Variants in CHD6 observed in about 807,000 individuals in gnomAD.
CHD6 encodes chromodomain helicase DNA binding protein 6, also known as ATP-dependent chromatin remodeler CHD6.
CHD6 carries 50 observed loss-of-function variants against 276.9 expected under a neutral mutation model. That is an observed-to-expected ratio of 0.18 (90% CI 0.14 to 0.23). The LOEUF (loss-of-function observed/expected upper bound fraction) is 0.23. CHD6 is among the 10% of genes least tolerant of loss of function. The pLI is 1.00. For synonymous variants in CHD6, 1,173 were observed against 1,229.3 expected (o/e 0.95, Z 0.96); for missense variants, 2,564 against 3,365.8 (o/e 0.76, Z 5.89).
chr20:41,488,322 TA>T, intron 13 of CHD6, 105 bp downstream of exon 13: 2 of 1,077,548 alleles, frequency 1.9e-6, no homozygotes, highest in East Asian at 2.4e-5. Flanking sequence ...AAATCTAATG[TA>T]AAACGACTAG....
At chr20:41,590,019 T>C (rs1213493476) in intron 1 of CHD6, among the ~76,000 whole-genome samples, 2 of 151,966 alleles carry the variant, frequency 1.3e-5, no homozygotes, top group African/African-American at 2.4e-5. Flanking sequence ...AACAGAGATA[T>C]AGACCAATGG....
intron 1 of CHD6, among the ~76,000 whole-genome samples, chr20:41,591,927 G>A (rs995135741): frequency 2.5e-4 from 38 of 151,968 alleles, no homozygotes; most frequent in Non-Finnish European, 4.6e-4. Context: ...GTGAAACCCC[G>A]TCTCTACTAA....
chr20:41,573,705 T>TA (rs2045442800), intron 1 of CHD6, among the ~76,000 whole-genome samples: 1 of 152,154 alleles, frequency 6.6e-6, no homozygotes, highest in South Asian at 2.1e-4. Flanking sequence ...ACCTAAGCTT[T>TA]AAAAACCTAA....
At chr20:41,495,770 C>T (rs938984735) in intron 8 of CHD6, among the ~76,000 whole-genome samples, 3 of 152,172 alleles carry the variant, frequency 2.0e-5, no homozygotes, top group Admixed American at 1.3e-4. Context: ...AATTATACTC[C>T]AATAAAGCTT....
At chr20:41,485,425 G>A (rs1206294703) in intron 14 of CHD6, 7 of 152,142 alleles carry the variant, frequency 4.6e-5, no homozygotes, top group South Asian at 2.1e-4. Flanking sequence ...AAGAAATCAC[G>A]TTTCAAGTCA....
chr20:41,428,969 G>A (rs1334965784), intron 27 of CHD6, among the ~76,000 whole-genome samples: 2 of 152,172 alleles, frequency 1.3e-5, no homozygotes, highest in Non-Finnish European at 2.9e-5. Flanking sequence ...GAAGGTGCTT[G>A]TTCAGTTCCT....
chr20:41,566,711 C>A (rs2045359247), intron 1 of CHD6, among the ~76,000 whole-genome samples: 1 of 152,178 alleles, frequency 6.6e-6, no homozygotes, highest in Non-Finnish European at 1.5e-5. Context: ...CTCCCATAGA[C>A]CCTGGATGTT....
intron 19 of CHD6, among the ~76,000 whole-genome samples, chr20:41,454,937 A>G (rs941321168): frequency 2.0e-5 from 3 of 152,262 alleles, no homozygotes; most frequent in Non-Finnish European, 4.4e-5. Flanking sequence ...TGAGGAAATC[A>G]TAATTTCAAC....
chr20:41,427,606 C>T (rs962267211), intron 27 of CHD6, among the ~76,000 whole-genome samples: 1 of 152,120 alleles, frequency 6.6e-6, no homozygotes, highest in Non-Finnish European at 1.5e-5. Context: ...TAAAAAAGGA[C>T]AAGAGAGTCT....
chr20:41,564,402 CTGAG>C (rs1162605636), intron 1 of CHD6, among the ~76,000 whole-genome samples: 1 of 152,120 alleles, frequency 6.6e-6, no homozygotes, highest in Non-Finnish European at 1.5e-5. Context: ...ATGCATTATG[CTGAG>C]TGAAAGAGGA....
chr20:41,453,920 T>C (rs1404389538), intron 20 of CHD6, among the ~76,000 whole-genome samples: 1 of 152,196 alleles, frequency 6.6e-6, no homozygotes, highest in African/African-American at 2.4e-5. Context: ...GACTGTCTCC[T>C]GGCTTTGTGG....
chr20:41,418,429 C>T (rs899681859), intron 31 of CHD6, among the ~76,000 whole-genome samples: 1 of 151,612 alleles, frequency 6.6e-6, no homozygotes, highest in African/African-American at 2.4e-5. Context: ...TGCTGAGGAA[C>T]GAAGTGAGGG....
chr20:41,514,176 C>T (rs1248325889), intron 4 of CHD6, among the ~76,000 whole-genome samples: 1 of 152,224 alleles, frequency 6.6e-6, no homozygotes, highest in African/African-American at 2.4e-5. Context: ...GTACGTCAGT[C>T]TTATTCTAAA....
At chr20:41,435,742 T>C (rs1012757205) in intron 27 of CHD6, among the ~76,000 whole-genome samples, 1 of 152,188 alleles carries the variant, frequency 6.6e-6, no homozygotes, top group Admixed American at 6.5e-5. Flanking sequence ...AGCAACAGTT[T>C]CTGTGGATAA....
At chr20:41,455,432 T>C (rs1250608535) in intron 19 of CHD6, among the ~76,000 whole-genome samples, 2 of 152,136 alleles carry the variant, frequency 1.3e-5, no homozygotes, top group Admixed American at 1.3e-4. Context: ...GGGAATGGAG[T>C]GTTCACTGGA....
chr20:41,616,685 T>G (rs2045936986), intron 1 of CHD6, among the ~76,000 whole-genome samples: 1 of 152,244 alleles, frequency 6.6e-6, no homozygotes, highest in South Asian at 2.1e-4. Flanking sequence ...GTTATAAAGA[T>G]GCATTGCTTA....
At chr20:41,538,469 A>G (rs991861622) in intron 2 of CHD6, among the ~76,000 whole-genome samples, 25 of 152,252 alleles carry the variant, frequency 1.6e-4, no homozygotes, top group Non-Finnish European at 1.6e-4. Flanking sequence ...CACATATTGT[A>G]TAATTCCATT....
intron 1 of CHD6, among the ~76,000 whole-genome samples, chr20:41,572,582 T>C (rs2045429902): frequency 6.6e-6 from 1 of 152,156 alleles, no homozygotes; most frequent in Non-Finnish European, 1.5e-5. Context: ...ACCCAAAGCG[T>C]TGTTTAACAG....
At chr20:41,407,425 C>T (rs967297069) in intron 36 of CHD6, among the ~76,000 whole-genome samples, 3 of 152,174 alleles carry the variant, frequency 2.0e-5, no homozygotes, top group African/African-American at 7.2e-5. Context: ...GAGAAAGAAG[C>T]CAGGGAAGCT....
Sources: allele counts gnomAD v4.1 joint callset (sites outside exome capture counted in the v4.1 genomes callset), GRCh38; gene constraint gnomAD v4.1.1; transcripts MANE v1.5; gene names NCBI Gene and HGNC (gene_info 2026-07-23, HGNC 2026-07-21).